IGSF21: variants seen among roughly 807,000 people sequenced by gnomAD.
The protein encoded by IGSF21 is immunoglobin superfamily member 21.
IGSF21 carries 28 observed loss-of-function variants against 46.8 expected under a neutral mutation model. The observed-to-expected ratio is 0.60, with a 90% CI of 0.44 to 0.82. The LOEUF (loss-of-function observed/expected upper bound fraction) is 0.82. Among genes scored for constraint, IGSF21 ranks in the 40% least tolerant of loss-of-function variants. The pLI, the probability that IGSF21 is intolerant of heterozygous loss-of-function variation, is 0.00. For missense variants in IGSF21, 624 were observed against 665.5 expected, an observed-to-expected ratio of 0.94 and a Z score of 0.69; for synonymous variants, 284 against 273.6, an observed-to-expected ratio of 1.04 and a Z score of -0.38.
intron 3 of IGSF21, among the ~76,000 whole-genome samples, chr1:18,321,703 C>T (rs758209335): frequency 3.3e-5 from 5 of 152,138 alleles, no homozygotes; most frequent in African/African-American, 9.7e-5. Flanking sequence ...CTCATCCCAC[C>T]GTAATCGCCT....
chr1:18,275,362 C>A (rs2085090217), intron 2 of IGSF21, among the ~76,000 whole-genome samples: 1 of 152,168 alleles, frequency 6.6e-6, no homozygotes, highest in African/African-American at 2.4e-5. Context: ...ACTCCCCAAG[C>A]CAAGGGGATG....
chr1:18,130,925 C>T (rs1372922461), intron 1 of IGSF21, among the ~76,000 whole-genome samples: 1 of 152,238 alleles, frequency 6.6e-6, no homozygotes, highest in Admixed American at 6.5e-5. Flanking sequence ...GAATACAGCT[C>T]TCACAGCCTG....
chr1:18,301,573 T>G (rs1255292712), intron 3 of IGSF21, among the ~76,000 whole-genome samples: 2 of 152,166 alleles, frequency 1.3e-5, no homozygotes, highest in Non-Finnish European at 2.9e-5. Context: ...ACTCCTGACC[T>G]CAAGTGATGC....
intron 2 of IGSF21, among the ~76,000 whole-genome samples, chr1:18,288,765 T>C (rs1441170522): frequency 6.6e-6 from 1 of 151,866 alleles, no homozygotes; most frequent in Non-Finnish European, 1.5e-5. Flanking sequence ...GAGGAAGGAG[T>C]GTGTACCACA....
chr1:18,274,904 G>A (rs2085084226), intron 2 of IGSF21, among the ~76,000 whole-genome samples: 2 of 152,176 alleles, frequency 1.3e-5, no homozygotes, highest in Admixed American at 1.3e-4. Flanking sequence ...CATGCACCTG[G>A]AATCCCAGCT....
At position 18,346,365 on chromosome 1, in the gene IGSF21, A is replaced by G. The variant is rs547037158; in HGVS notation, c.424+11355A>G. Reference sequence around the variant, plus strand: ...TGAAGGTAATCATGCTTTTTACCCTATGGGCTGTCTCAAGGAATGAATAAG... The same window carrying G: ...TGAAGGTAATCATGCTTTTTACCCTGTGGGCTGTCTCAAGGAATGAATAAG... On this transcript the variant is annotated intron_variant, in intron 4 of 9. Coordinates refer to ENST00000251296, the MANE Select transcript of IGSF21 (RefSeq NM_032880.5). Among the ~76,000 whole-genome samples, 159 of 152,128 alleles carry G rather than the reference A, an allele frequency of 1.0e-3. 2 individuals are homozygous for G. Among genetic ancestry groups the G allele is most frequent in the Non-Finnish European group, 2.0e-3 (135 of 67,980 alleles).
rs918110405 is a variant in IGSF21, at chr1:18,292,095, G to C, written c.305+108G>C. ...TTCACATCAATCCCTCGGTGCTCTT[G>C]GGCTTGGAAGGCAGAACTGGGGGCT... On this transcript the variant is annotated intron_variant, in intron 3 of 9. Transcript: ENST00000251296. 3.3e-6 allele frequency: 4 copies of C among 1,199,674 alleles called. No homozygotes were observed. In the African/African-American group the frequency reaches 6.0e-5, roughly 18 times the overall value. 74.3% of individuals were successfully genotyped at this position (1,199,674 alleles called of 1,614,324 possible). A position where few individuals can be genotyped will look rare whatever the true frequency, so the allele number is the denominator to read the frequency against.
chr1:18,298,104 G>C (rs987351673), intron 3 of IGSF21, among the ~76,000 whole-genome samples: 1 of 152,188 alleles, frequency 6.6e-6, no homozygotes, highest in African/African-American at 2.4e-5. Context: ...AAAGAGCTTG[G>C]TGTGATCTGG....
At chr1:18,141,598 C>A (rs932636770) in intron 1 of IGSF21, among the ~76,000 whole-genome samples, 1 of 152,068 alleles carries the variant, frequency 6.6e-6, no homozygotes, top group African/African-American at 2.4e-5. Context: ...AGTGAGGGAC[C>A]TGGAGAGCTA....
intron 2 of IGSF21, among the ~76,000 whole-genome samples, chr1:18,259,693 C>T (rs938908850): frequency 2.0e-5 from 3 of 152,082 alleles, no homozygotes; most frequent in African/African-American, 7.2e-5. Flanking sequence ...TGTGTGTGTA[C>T]ACACATAGGA....
intron 1 of IGSF21, among the ~76,000 whole-genome samples, chr1:18,134,809 C>T (rs1462857566): frequency 3.9e-5 from 6 of 152,258 alleles, no homozygotes; most frequent in Non-Finnish European, 2.9e-5. Flanking sequence ...TCCTCCCCGA[C>T]TCAACCTGCT....
intron 1 of IGSF21, among the ~76,000 whole-genome samples, chr1:18,199,800 G>C (rs2087050138): frequency 1.3e-5 from 2 of 152,106 alleles, no homozygotes; most frequent in Non-Finnish European, 2.9e-5. Context: ...GTTAACAAAT[G>C]GGCAAAGTTT....
intron 3 of IGSF21, among the ~76,000 whole-genome samples, chr1:18,320,520 G>A (rs535919651): frequency 1.3e-5 from 2 of 152,258 alleles, no homozygotes; most frequent in East Asian, 1.9e-4. Flanking sequence ...GTTTGGCCCC[G>A]GGTCATCCAT....
chr1:18,130,970 C>A (rs1570251160), intron 1 of IGSF21, among the ~76,000 whole-genome samples: 1 of 152,356 alleles, frequency 6.6e-6, no homozygotes, highest in East Asian at 1.9e-4. Flanking sequence ...GCTCTGACAG[C>A]CTCGGGCCGG....
chr1:18,175,818 G>T (rs908266961), intron 1 of IGSF21, among the ~76,000 whole-genome samples: 5 of 152,338 alleles, frequency 3.3e-5, no homozygotes, highest in African/African-American at 9.6e-5. Flanking sequence ...GGGAAGAGCC[G>T]GGTGAATTAT....
At chr1:18,305,988 T>G (rs2124580597) in intron 3 of IGSF21, among the ~76,000 whole-genome samples, 1 of 152,320 alleles carries the variant, frequency 6.6e-6, no homozygotes, top group South Asian at 2.1e-4. Flanking sequence ...AGCTCACAAC[T>G]TAGGTCCTTT....
chr1:18,129,167 T>C (rs2086297827), intron 1 of IGSF21, among the ~76,000 whole-genome samples: 1 of 152,076 alleles, frequency 6.6e-6, no homozygotes, highest in Admixed American at 6.6e-5. Context: ...CAGTATAGCG[T>C]TATGGGGAGA....
intron 1 of IGSF21, among the ~76,000 whole-genome samples, chr1:18,216,006 G>A (rs76455398): frequency 0.015 from 2,348 of 152,270 alleles, 25 homozygotes; most frequent in South Asian, 0.028. Context: ...GGGCTTGAGC[G>A]CTAGTCTGAT....
At chr1:18,120,212 A>G (rs1209874249) in intron 1 of IGSF21, among the ~76,000 whole-genome samples, 2 of 152,220 alleles carry the variant, frequency 1.3e-5, no homozygotes, top group Non-Finnish European at 2.9e-5. Flanking sequence ...AGAGTGGGGC[A>G]CTTTCTACCT....
Sources: gnomAD v4.1 joint callset for allele counts (sites outside exome capture counted in the v4.1 genomes callset) on GRCh38, gnomAD v4.1.1 for gene constraint, MANE v1.5 for transcripts, NCBI Gene and HGNC (gene_info 2026-07-23, HGNC 2026-07-21) for gene names.